Variants in POLR1C observed in about 807,000 individuals in gnomAD.
POLR1C encodes DNA-directed RNA polymerases I and III subunit RPAC1.
A neutral mutation model predicts 38.3 loss-of-function variants in POLR1C; 42 were observed. The ratio of observed to expected loss-of-function variants is 1.10; its 90% CI spans 0.86 to 1.42. The LOEUF (loss-of-function observed/expected upper bound fraction) is 1.42, where lower values mean the gene tolerates loss of function less well. Ranked by LOEUF, POLR1C falls within the 40% of genes most tolerant of loss-of-function variation. POLR1C has a pLI of 0.00. For missense variants in POLR1C, 507 were observed against 450.5 expected (o/e 1.13, Z -1.14); for synonymous variants, 163 against 163.9 (o/e 0.99, Z 0.04).
At chr6:43,532,440 C>T (rs1206264284), downstream of POLR1C, among the ~76,000 whole-genome samples, 2 of 152,160 alleles carry the variant, frequency 1.3e-5, no homozygotes, top group Non-Finnish European at 2.9e-5. Context: ...GGTGAGCCAG[C>T]CTGAAGCTTC....
rs1164675966 is a variant in POLR1C at position 43,520,646 on chromosome 6, C to T, written c.677C>T (p.Ser226Leu). 1.9e-6 allele frequency: 3 copies of T among 1,614,180 alleles called. No homozygotes were observed. The highest frequency in any genetic ancestry group is 2.5e-6 in the Non-Finnish European group (3 of 1,180,028). The change falls in exon 7 of 9, where the codon TCA (serine) becomes TTA (leucine). Residue 226 changes from serine (S) to leucine (L), a missense_variant. Transcript: ENST00000642195. ...KGIGKDHAKFSPVATASYRLL... is the reference protein window; with the variant it reads ...KGIGKDHAKFLPVATASYRLL... Reference sequence around the variant, plus strand: ...CCAGGCAAAGATCATGCCAAGTTTTCACCAGTGGCAACAGCCAGTTACAGG... The same window carrying T: ...CCAGGCAAAGATCATGCCAAGTTTTTACCAGTGGCAACAGCCAGTTACAGG...
intron 2 of POLR1C, among the ~76,000 whole-genome samples, chr6:43,518,148 C>A (rs1281168221): frequency 2.0e-5 from 3 of 152,074 alleles, no homozygotes; most frequent in Admixed American, 2.0e-4. Flanking sequence ...TTGAATAGTT[C>A]TTAAGCAGAC....
downstream of POLR1C, chr6:43,525,243 T>C (rs1793495482): frequency 1.9e-6 from 3 of 1,550,196 alleles, no homozygotes; most frequent in Non-Finnish European, 2.6e-6. Context: ...AGAGTTACAA[T>C]GGAAAAAGAA....
rs1056016290 is a variant in POLR1C, at chr6:43,553,391, A to G, written c.*48+2380A>G. 4.4e-6 allele frequency: 7 copies of G among 1,608,578 alleles called. No individual in the cohort carries two copies. Among genetic ancestry groups the G allele is most frequent in the East Asian group, 4.5e-5 (2 of 44,810 alleles). On this transcript the variant is annotated intron_variant, in intron 10 of 10. Transcript: ENST00000607635. ...TACTTACTTCTCTATTTAGTGTTCGAAACATCTGGGTGATAACACTTTCCA... is the reference window on the plus strand; with the variant it reads ...TACTTACTTCTCTATTTAGTGTTCGGAACATCTGGGTGATAACACTTTCCA...
At chr6:43,529,138 T>C in intron 8 of POLR1C, 1 of 1,268,226 alleles carries the variant, frequency 7.9e-7, no homozygotes, top group Non-Finnish European at 1.1e-6. Flanking sequence ...TTAGCTGCAT[T>C]TCCGTCAGGC....
chr6:43,517,843 T>C (rs896286055), intron 2 of POLR1C, among the ~76,000 whole-genome samples: 18 of 152,244 alleles, frequency 1.2e-4, no homozygotes, highest in African/African-American at 4.1e-4. Flanking sequence ...TTGTATTGTT[T>C]CACTTAGCTT....
rs1057519455 is a variant in POLR1C, at chr6:43,517,324, C to G, written c.88C>G (p.Pro30Ala). 6.2e-7 allele frequency: 1 copy of G among 1,614,114 alleles called. No homozygotes were observed. The highest frequency in any genetic ancestry group is 1.1e-5 in the South Asian group (1 of 91,084). ...GCTCTAGGTCCATACTACTGACTTT[C>G]CCGGTAACTATTCCGGTTATGATGA... ...GVRNVHTTDF[P>A]GNYSGYDDAW... The change falls in exon 2 of 9, where the codon CCC becomes GCC. Residue 30 changes from proline to alanine, a missense_variant. Coordinates refer to ENST00000642195, the MANE Select transcript of POLR1C (RefSeq NM_203290.4).
In POLR1C at chr6:43,521,285, G is replaced by C. The variant is rs564038848; in HGVS notation, c.1026G>C (p.Ala342=). 6.2e-7 allele frequency: 1 copy of C among 1,612,342 alleles called. No individual in the cohort carries two copies. The highest frequency in any genetic ancestry group is 8.5e-7 in the Non-Finnish European group (1 of 1,179,986). Residue 342 remains alanine (A), a synonymous_variant, in exon 9 of 9, where the codon GCG becomes GCC. Transcript: ENST00000642195. ...GGCGCTTCTTGGATGAACTAGATGC[G>C]GTTCAGATGGACTGAGCTTGGATGC... is the stretch of plus-strand genomic sequence containing the variant. The part of the protein sequence containing the change: ...KCRRFLDELD[A]VQMD
At chr6:43,527,296 G>A (rs936225703) in intron 8 of POLR1C, 2 of 208,576 alleles carry the variant, frequency 9.6e-6, no homozygotes, top group African/African-American at 2.3e-5. Context: ...TTTTTGAGAC[G>A]GAGTTTCACT....
intron 10 of POLR1C, among the ~76,000 whole-genome samples, chr6:43,554,218 G>A (rs1203279758): frequency 1.3e-5 from 2 of 151,074 alleles, no homozygotes; most frequent in East Asian, 2.0e-4. Context: ...GCAATTCTCC[G>A]CCTCAGCCTC....
chr6:43,517,232 G>A (rs1792878810), intron 1 of POLR1C, 54 bp downstream of exon 1: 2 of 1,608,756 alleles, frequency 1.2e-6, no homozygotes, highest in Non-Finnish European at 1.7e-6. Context: ...GAACAGGGAT[G>A]GGTCTTGGGA....
chr6:43,530,900 C>T, downstream of POLR1C: 1 of 1,496,988 alleles, frequency 6.7e-7, no homozygotes, highest in South Asian at 1.4e-5. Flanking sequence ...CCATGAATTT[C>T]ATTTCTAGCC....
intron 10 of POLR1C, chr6:43,558,560 C>G (rs1762236964): frequency 3.7e-6 from 6 of 1,600,486 alleles, no homozygotes; most frequent in Non-Finnish European, 4.3e-6. Flanking sequence ...ATATTCACAG[C>G]TAGGGCTGTC....
At chr6:43,558,010 G>A (rs954261457) in intron 10 of POLR1C, among the ~76,000 whole-genome samples, 6 of 151,604 alleles carry the variant, frequency 4.0e-5, no homozygotes, top group East Asian at 3.9e-4. Flanking sequence ...CAGGAGAATC[G>A]CTTGAACCCA....
downstream of POLR1C, chr6:43,531,693 T>C (rs191325239): frequency 2.3e-6 from 2 of 856,192 alleles, no homozygotes; most frequent in Non-Finnish European, 3.9e-6. Flanking sequence ...TCTGGTGCTG[T>C]ACTGCAAAGC....
At chr6:43,552,020 T>G (rs1376145495) in intron 10 of POLR1C, among the ~76,000 whole-genome samples, 1 of 152,218 alleles carries the variant, frequency 6.6e-6, no homozygotes, top group Non-Finnish European at 1.5e-5. Flanking sequence ...TAAAACCTCT[T>G]AAATTTTGTA....
intron 9 of POLR1C, among the ~76,000 whole-genome samples, chr6:43,536,758 TAAAAAAAAAAAAAAAAAA>T (rs1156884252): frequency 1.6e-4 from 3 of 19,082 alleles, no homozygotes; most frequent in African/African-American, 2.4e-4. Context: ...AGACTCTATC[TAAAAAAAAAAAAAAAAAA>T]AAAAAAAAAA....
chr6:43,520,341 T>TC lies in POLR1C; in HGVS notation c.571dup (p.Arg191ProfsTer5). ...GCTGATCTCTTTCCAGAGGGCACTA[T>TC]CCGACCAGTGCATGATGATATCCTC... On this transcript the variant is annotated frameshift_variant, in exon 6 of 9. Coordinates refer to ENST00000642195, the MANE Select transcript of POLR1C (RefSeq NM_203290.4). LOFTEE classifies it high-confidence loss of function. 7 of 1,613,556 alleles carry TC rather than the reference T, an allele frequency of 4.3e-6. No homozygotes were observed. Among genetic ancestry groups the TC allele is most frequent in the Non-Finnish European group, 5.9e-6 (7 of 1,180,028 alleles).
At chr6:43,520,023 T>C in intron 4 of POLR1C, 43 bp from the exon 5 acceptor site, 1 of 1,611,112 alleles carries the variant, frequency 6.2e-7, no homozygotes, top group Non-Finnish European at 8.5e-7. Flanking sequence ...GTGCTGGCAC[T>C]CAGACGTTTA....
Sources: allele counts gnomAD v4.1 joint callset (sites outside exome capture counted in the v4.1 genomes callset), GRCh38; gene constraint gnomAD v4.1.1; transcripts MANE v1.5; gene names NCBI Gene and HGNC (gene_info 2026-07-23, HGNC 2026-07-21).